Variants in NLRP9 observed in about 807,000 individuals in gnomAD.
The protein encoded by NLRP9 is NACHT, LRR and PYD domains-containing protein 9.
A neutral mutation model predicts 83.1 loss-of-function variants in NLRP9; 88 were observed. The observed-to-expected ratio is 1.06, with a 90% CI of 0.89 to 1.26. NLRP9 has a LOEUF of 1.26. Among genes scored for constraint, NLRP9 ranks in the 50% most tolerant of loss-of-function variants. The pLI is 0.00. For missense variants in NLRP9, 1,308 were observed against 1,179.3 expected (o/e 1.11, Z -1.60); for synonymous variants, 521 against 447.6 (o/e 1.16, Z -2.07).
At position 55,731,995 on chromosome 19, in the gene NLRP9, T is replaced by C; in HGVS notation, c.1832+4A>G. Reference sequence around the variant, plus strand: ...TGGGACGGGGGATTAATAGACAGACTCACTCTGAGATGCATCCTGAGTCAT... The same window carrying C: ...TGGGACGGGGGATTAATAGACAGACCCACTCTGAGATGCATCCTGAGTCAT... On this transcript the variant is annotated splice_donor_region_variant and intron_variant, in intron 2 of 8. Transcript: ENST00000332836. 6.5e-7 allele frequency: 1 copy of C among 1,532,898 alleles called. No individual in the cohort carries two copies. Among genetic ancestry groups the C allele is most frequent in the Non-Finnish European group, 8.8e-7 (1 of 1,137,048 alleles). The allele number at this position is 1,532,898 out of a possible 1,614,324, so 95.0% of individuals were successfully genotyped here. A position where few individuals can be genotyped will look rare whatever the true frequency, so the allele number is the denominator to read the frequency against.
At position 55,736,854 on chromosome 19, in the gene NLRP9, A is replaced by G. The variant is rs1988798772; in HGVS notation, c.280+1241T>C. On this transcript the variant is annotated intron_variant, in intron 1 of 8. Coordinates refer to ENST00000332836, the MANE Select transcript of NLRP9 (RefSeq NM_176820.4). ...GTCTCAAAAAAATAAAACAAAAACAAAAAAAAAAACAAAAAACTAACACAG... is the reference window on the plus strand; with the variant it reads ...GTCTCAAAAAAATAAAACAAAAACAGAAAAAAAAACAAAAAACTAACACAG... 1.6e-4 allele frequency among the ~76,000 whole-genome samples: 7 copies of G among 44,528 alleles called. No individual in the cohort carries two copies. The South Asian group carries it at 7.6e-3, about 48-fold the overall frequency. The allele number at this position is 44,528 out of a possible 152,430, so 29.2% of individuals were successfully genotyped here. A position where few individuals can be genotyped will look rare whatever the true frequency, so the allele number is the denominator to read the frequency against.
At chr19:55,714,581 T>C (rs1335125442) in intron 6 of NLRP9, among the ~76,000 whole-genome samples, 4 of 149,968 alleles carry the variant, frequency 2.7e-5, no homozygotes, top group African/African-American at 9.7e-5. Flanking sequence ...TATAGCCTCA[T>C]CTGGATTTTT....
intron 1 of NLRP9, chr19:55,737,452 T>C (rs1319347133): frequency 6.6e-6 from 1 of 152,376 alleles, no homozygotes; most frequent in Non-Finnish European, 1.5e-5. Flanking sequence ...CCTTTGCCCA[T>C]AGAGGAAGGT....
At chr19:55,736,809 G>A (rs1342096612) in intron 1 of NLRP9, among the ~76,000 whole-genome samples, 1 of 151,586 alleles carries the variant, frequency 6.6e-6, no homozygotes, top group East Asian at 1.9e-4. Context: ...CCTCCAACCT[G>A]GGCAACAGAG....
At chr19:55,729,044 C>CT (rs199974942) in intron 3 of NLRP9, among the ~76,000 whole-genome samples, 85 of 98,240 alleles carry the variant, frequency 8.7e-4, no homozygotes, top group African/African-American at 2.4e-3. Flanking sequence ...TCTTATTTTT[C>CT]TTTTTCTTTT....
chr19:55,708,784 T>C lies in NLRP9; in HGVS notation c.*128A>G. On this transcript the variant is annotated 3_prime_UTR_variant, in exon 9 of 9. Transcript: ENST00000332836. Reference sequence around the variant, plus strand: ...CTCCATAATCATATTGCTAGAACACTTAGGGAGTACCTCTGAAATCACAGC... The same window carrying C: ...CTCCATAATCATATTGCTAGAACACCTAGGGAGTACCTCTGAAATCACAGC... 1 of 625,146 alleles carries C rather than the reference T, an allele frequency of 1.6e-6. No homozygotes were observed. Among genetic ancestry groups the C allele is most frequent in the Non-Finnish European group, 2.7e-6 (1 of 366,900 alleles). 38.7% of individuals were successfully genotyped at this position (625,146 alleles called of 1,614,324 possible).
At chr19:55,711,225 C>T (rs1987707052) in intron 8 of NLRP9, 1 of 273,518 alleles carries the variant, frequency 3.7e-6, no homozygotes, top group Non-Finnish European at 5.6e-6. Flanking sequence ...TCCATTTATA[C>T]CCCGCCCATT....
In NLRP9 at chr19:55,711,907, G is replaced by A; in HGVS notation, c.2736C>T (p.Cys912=). The change falls in exon 8 of 9, where the codon TGC becomes TGT. Residue 912 remains cysteine, a synonymous_variant. Transcript: ENST00000332836. ...CGAGGTTCAGGCTCCTCAGTGTTTT[G>A]CAGGCGATGAGTGCTGCGGCGATGT... The part of the protein sequence containing the change: ...CDDIAAALIA[C]KTLRSLNLDW... The A allele has an allele frequency of 1.2e-6, 2 of 1,613,280 alleles. No homozygotes were observed. Among genetic ancestry groups the A allele is most frequent in the South Asian group, 2.2e-5 (2 of 91,086 alleles).
chr19:55,709,214 AGCCTC>A, intron 8 of NLRP9, 170 bp from the exon 9 acceptor site: 1 of 470,218 alleles, frequency 2.1e-6, no homozygotes, highest in Non-Finnish European at 3.7e-6. Context: ...TAGGATAGGA[AGCCTC>A]TGATTTATAC....
chr19:55,712,590 C>T lies in NLRP9; in HGVS notation c.2502G>A (p.Trp834Ter), dbSNP rs1568592153. ...KHPGCSIRELWLMGCFLTSDS... is the reference protein window; with the variant it reads ...KHPGCSIREL ...CGGAAGTAAGGAAACAGCCCATCAA[C>T]CTGGGGAGGTGGAAGACACACAAAT... Residue 834 changes from tryptophan (W) to a stop codon, truncating the protein, a stop_gained and splice_region_variant, in exon 7 of 9, where the codon TGG (tryptophan) becomes TGA (stop). Coordinates refer to ENST00000332836, the MANE Select transcript of NLRP9 (RefSeq NM_176820.4). LOFTEE classifies it high-confidence loss of function. 1 of 1,611,778 alleles carries T rather than the reference C, an allele frequency of 6.2e-7. No homozygotes were observed. The highest frequency in any genetic ancestry group is 8.5e-7 in the Non-Finnish European group (1 of 1,179,700).
intron 3 of NLRP9, among the ~76,000 whole-genome samples, chr19:55,725,379 G>A (rs1466870107): frequency 6.6e-6 from 1 of 152,248 alleles, no homozygotes; most frequent in African/African-American, 2.4e-5. Context: ...GTGACTCCTG[G>A]CGTTACAGCA....
chr19:55,712,405 T>A lies in NLRP9; in HGVS notation c.2672+15A>T. 6.3e-7 allele frequency: 1 copy of A among 1,594,032 alleles called. No individual in the cohort carries two copies. The highest frequency in any genetic ancestry group is 8.6e-7 in the Non-Finnish European group (1 of 1,164,722). ...TAGATAAATTTTCCTACGATGGTGATCAGTAGATACTCACCCGAGACACTC... is the reference window on the plus strand; with the variant it reads ...TAGATAAATTTTCCTACGATGGTGAACAGTAGATACTCACCCGAGACACTC... On this transcript the variant is annotated intron_variant, in intron 7 of 8. Transcript: ENST00000332836.
chr19:55,712,371 T>C (rs1987768455), intron 7 of NLRP9, 49 bp downstream of exon 7: 17 of 1,506,996 alleles, frequency 1.1e-5, no homozygotes, highest in Non-Finnish European at 1.6e-5. Context: ...GCAATTCCTA[T>C]TCTTGAAATA....
chr19:55,712,309 C>G (rs1339609438), intron 7 of NLRP9, 111 bp downstream of exon 7: 2 of 907,568 alleles, frequency 2.2e-6, no homozygotes, highest in Middle Eastern at 3.1e-4. Context: ...TCAGATCGTC[C>G]CAGAGGGACT....
intron 6 of NLRP9, among the ~76,000 whole-genome samples, chr19:55,713,203 C>T (rs1032078325): frequency 6.6e-6 from 1 of 151,266 alleles, no homozygotes; most frequent in African/African-American, 2.4e-5. Flanking sequence ...TTTGGTGAGC[C>T]CTCCCCTGAC....
At chr19:55,728,923 T>G (rs1988479383) in intron 3 of NLRP9, among the ~76,000 whole-genome samples, 1 of 152,090 alleles carries the variant, frequency 6.6e-6, no homozygotes, top group African/African-American at 2.4e-5. Flanking sequence ...TTCTATCCTC[T>G]CATACATTAT....
At chr19:55,731,834 G>A (rs1417724979) in intron 2 of NLRP9, among the ~76,000 whole-genome samples, 165 bp downstream of exon 2, 1 of 152,012 alleles carries the variant, frequency 6.6e-6, no homozygotes, top group Non-Finnish European at 1.5e-5. Context: ...TCAAGAAGTT[G>A]CAGCTCATGA....
chr19:55,730,570 T>C (rs1396600725), intron 2 of NLRP9, among the ~76,000 whole-genome samples: 3 of 152,176 alleles, frequency 2.0e-5, no homozygotes, highest in African/African-American at 4.8e-5. Flanking sequence ...TGGAATACTA[T>C]GCAGCCATGA....
rs764914288 is a variant in NLRP9 at position 55,711,989 on chromosome 19, C to T, written c.2673-19G>A. On this transcript the variant is annotated intron_variant, in intron 7 of 8. Coordinates refer to ENST00000332836, the MANE Select transcript of NLRP9 (RefSeq NM_176820.4). ...TTGCAGCCTGCAAAAGGGAAACACA[C>T]CAGAGAATCCACTCTAGCTTTGGGT... is the stretch of plus-strand genomic sequence containing the variant. The T allele has an allele frequency of 1.2e-6, 2 of 1,608,702 alleles. No individual in the cohort carries two copies. The highest frequency in any genetic ancestry group is 4.5e-5 in the East Asian group (2 of 44,810).
Sources: gnomAD v4.1 joint callset for allele counts (sites outside exome capture counted in the v4.1 genomes callset) on GRCh38, gnomAD v4.1.1 for gene constraint, MANE v1.5 for transcripts, NCBI Gene and HGNC (gene_info 2026-07-23, HGNC 2026-07-21) for gene names.